The following POU2F2 variants were observed in gnomAD, a reference collection of about 807,000 sequenced individuals.
POU2F2 encodes the protein POU domain, class 2, transcription factor 2.
Under a neutral mutation model 63.5 loss-of-function variants are expected in POU2F2, and 14 were observed. The ratio of observed to expected loss-of-function variants is 0.22; its 90% CI spans 0.15 to 0.34. The LOEUF (loss-of-function observed/expected upper bound fraction) is 0.34. Ranked by LOEUF, POU2F2 falls within the 10% of genes least tolerant of loss-of-function variation. POU2F2 has a pLI of 1.00. For synonymous variants in POU2F2, 306 were observed against 348.6 expected (o/e 0.88, Z 1.36); for missense variants, 607 against 815.2 (o/e 0.74, Z 3.11).
Position 42,092,191 on chromosome 19 carries a change from C to G in POU2F2, c.1344G>C (p.Ala448=). 6.4e-7 allele frequency: 1 copy of G among 1,554,998 alleles called. No individual in the cohort carries two copies. Among genetic ancestry groups the G allele is most frequent in the Non-Finnish European group, 8.7e-7 (1 of 1,153,274 alleles). ...CAGAGGGGATGGAATTGAGGGGGGG[C>G]GCAGCCCCGCCCCCGCCCCCACCCC... ...AGGGGGGGGA[A]PPLNSIPSVT... The change falls in exon 13 of 15, where the codon GCG becomes GCC. Residue 448 remains alanine, a synonymous_variant. Coordinates refer to ENST00000692977, the MANE Select transcript of POU2F2 (RefSeq NM_001394376.1). The surrounding 1 kb of genome is among the most constrained non-coding windows in gnomAD (Gnocchi z 5.0).
chr19:42,097,357 C>T (rs557931980), intron 7 of POU2F2, among the ~76,000 whole-genome samples: 158 of 152,144 alleles, frequency 1.0e-3, no homozygotes, highest in African/African-American at 3.7e-3. Flanking sequence ...GCCACCACAC[C>T]CGGCTAATTT....
chr19:42,156,269 TAC>T lies in POU2F2; in HGVS notation c.-9+4061_-9+4062del. The stretch of plus-strand genomic sequence containing the variant: ...AGAGATGCAAGCCATTTTTACCTCC[TAC>T]ACATCTATAATCCCCACCCCATGGC... On this transcript the variant is annotated intron_variant, in intron 2 of 6. Transcript: ENST00000524801. This position sits in a 1 kb window ranked among gnomAD's most constrained non-coding sequence, Gnocchi z 4.1. 6.6e-6 allele frequency: 1 copy of T among 152,296 alleles called. No individual in the cohort carries two copies. The highest frequency in any genetic ancestry group is 1.9e-4 in the East Asian group (1 of 5,182). The allele number at this position is 152,296 out of a possible 1,614,324, so 9.4% of individuals were successfully genotyped here.
chr19:42,101,909 G>A (rs997707969), intron 5 of POU2F2, among the ~76,000 whole-genome samples: 4 of 151,802 alleles, frequency 2.6e-5, no homozygotes, highest in African/African-American at 9.7e-5. Context: ...GCCGGGAGGC[G>A]GAGGTTGCAG....
intron 1 of POU2F2, among the ~76,000 whole-genome samples, chr19:42,191,073 CAAAAAA>C (rs200638271): frequency 1.4e-5 from 1 of 72,136 alleles, no homozygotes; most frequent in Admixed American, 1.5e-4. Context: ...GACTCAGTTT[CAAAAAA>C]AAAAAAAAAA....
At chr19:42,151,618 G>T (rs2034353418) in intron 2 of POU2F2, among the ~76,000 whole-genome samples, 1 of 152,220 alleles carries the variant, frequency 6.6e-6, no homozygotes, top group Non-Finnish European at 1.5e-5. Context: ...GGTCGGATGG[G>T]GGTGGGGGGA....
At chr19:42,179,865 C>T (rs2034941363), upstream of POU2F2, among the ~76,000 whole-genome samples, 1 of 152,170 alleles carries the variant, frequency 6.6e-6, no homozygotes, top group Admixed American at 6.5e-5. Flanking sequence ...GAGCAGCCTC[C>T]TGGGACCCGC....
At position 42,092,420 on chromosome 19, in the gene POU2F2, A is replaced by G. The variant is rs2076757156; in HGVS notation, c.1265-150T>C. The G allele has an allele frequency of 1.0e-5, 7 of 679,942 alleles. No individual in the cohort carries two copies. Among genetic ancestry groups the G allele is most frequent in the South Asian group, 1.0e-4 (6 of 58,986 alleles). The allele number at this position is 679,942 out of a possible 1,614,324, so 42.1% of individuals were successfully genotyped here. ...TTAGACCTCCCTGCCCTCTCTTCCCAGAGTCATTTCCCTGTGCCTCTGCCA... is the reference window on the plus strand; with the variant it reads ...TTAGACCTCCCTGCCCTCTCTTCCCGGAGTCATTTCCCTGTGCCTCTGCCA... On this transcript the variant is annotated intron_variant, in intron 12 of 14. Coordinates refer to ENST00000692977, the MANE Select transcript of POU2F2 (RefSeq NM_001394376.1). This position sits in a 1 kb window ranked among gnomAD's most constrained non-coding sequence, Gnocchi z 5.0.
At chr19:42,093,093 C>A (rs1448064876) in intron 12 of POU2F2, among the ~76,000 whole-genome samples, 1 of 146,850 alleles carries the variant, frequency 6.8e-6, no homozygotes, top group East Asian at 2.0e-4. Context: ...TCACTGCAAC[C>A]TCCTCCTCCC....
intron 1 of POU2F2, among the ~76,000 whole-genome samples, chr19:42,174,295 G>A (rs938218152): frequency 6.6e-6 from 1 of 152,116 alleles, no homozygotes; most frequent in South Asian, 2.1e-4. Context: ...ACCCTTGTGT[G>A]CACACACTAT....
Position 42,093,837 on chromosome 19 carries a change from C to T in POU2F2, c.1256G>A (p.Ser419Asn), listed in dbSNP as rs563891599. The T allele has an allele frequency of 1.6e-5, 25 of 1,611,758 alleles. No homozygotes were observed. In the South Asian group the frequency reaches 2.8e-4, roughly 18 times the overall value. The change falls in exon 12 of 15, where the codon AGC becomes AAC. Residue 419 changes from serine (S) to asparagine (N), a missense_variant. By Grantham distance (46) the Ser-to-Asn change is conservative (BLOSUM62 1). This residue lies in a region of POU2F2 where 270 missense variants were observed against 307.5 expected (regional missense o/e 0.88). Coordinates refer to ENST00000692977, the MANE Select transcript of POU2F2 (RefSeq NM_001394376.1). ...LPLSQASSSL[S>N]TTVTTLSSAV... ...TTTCTGCCCTCCCTGACCTGTTGTG[C>T]TCAGACTGCTGGAAGCTTGGGACAA...
chr19:42,181,571 C>CATTTATTTATTTATTTATTTATTT (rs143264132), intron 1 of POU2F2, among the ~76,000 whole-genome samples: 2 of 148,388 alleles, frequency 1.3e-5, no homozygotes, highest in Non-Finnish European at 3.0e-5. Context: ...TCTGAACATA[C>CATTTATTTATTTATTTATTTATTT]ATTTATTTAT....
At chr19:42,197,137 T>C (rs905565385), upstream of POU2F2, among the ~76,000 whole-genome samples, 2 of 152,152 alleles carry the variant, frequency 1.3e-5, no homozygotes, top group African/African-American at 4.8e-5. Flanking sequence ...CCTTAGGTCA[T>C]GAAAATGGAA....
At chr19:42,100,662 A>C (rs1473182489) in intron 5 of POU2F2, among the ~76,000 whole-genome samples, 1 of 151,954 alleles carries the variant, frequency 6.6e-6, no homozygotes, top group Non-Finnish European at 1.5e-5. Flanking sequence ...GATGCAGGAG[A>C]ATTGCTTGAA....
At chr19:42,107,034 C>T (rs1387041265) in intron 5 of POU2F2, among the ~76,000 whole-genome samples, 1 of 151,800 alleles carries the variant, frequency 6.6e-6, no homozygotes, top group Admixed American at 6.6e-5. Flanking sequence ...CTCCAAAAAA[C>T]AAAATAAAAT....
chr19:42,127,541 A>G (rs2033317862), intron 1 of POU2F2, among the ~76,000 whole-genome samples: 1 of 151,714 alleles, frequency 6.6e-6, no homozygotes, highest in South Asian at 2.1e-4. Context: ...CGCCACTACG[A>G]CTGGCTAATT....
upstream of POU2F2, among the ~76,000 whole-genome samples, chr19:42,135,271 T>C (rs2033980945): frequency 6.6e-6 from 1 of 152,018 alleles, no homozygotes; most frequent in Non-Finnish European, 1.5e-5. Context: ...TCTGAGTCCA[T>C]GGCTGGGCCA....
chr19:42,116,303 C>T (rs1030394173), intron 5 of POU2F2, among the ~76,000 whole-genome samples: 4 of 152,160 alleles, frequency 2.6e-5, no homozygotes, highest in Non-Finnish European at 4.4e-5. Flanking sequence ...CCAGGGGACA[C>T]GATGAGGGTA....
At chr19:42,165,709 C>G (rs2034636600) in intron 1 of POU2F2, among the ~76,000 whole-genome samples, 1 of 152,166 alleles carries the variant, frequency 6.6e-6, no homozygotes, top group Non-Finnish European at 1.5e-5. Flanking sequence ...TAACAGCTGC[C>G]TCATTTTGCT....
chr19:42,182,200 C>A (rs1228430393), intron 1 of POU2F2, among the ~76,000 whole-genome samples: 1 of 149,920 alleles, frequency 6.7e-6, no homozygotes, highest in East Asian at 2.0e-4. Context: ...CAAGATTGTT[C>A]CACTGCACTG....
Sources: allele counts gnomAD v4.1 joint callset (sites outside exome capture counted in the v4.1 genomes callset), GRCh38; gene constraint gnomAD v4.1.1; regional missense constraint gnomAD v4.1.1; non-coding constraint Gnocchi (gnomAD v3.1); transcripts MANE v1.5; gene names NCBI Gene and HGNC (gene_info 2026-07-23, HGNC 2026-07-21).